INPP5A: variants seen among roughly 807,000 people sequenced by gnomAD.
The protein encoded by INPP5A is inositol polyphosphate-5-phosphatase A.
INPP5A carries 14 observed loss-of-function variants against 65.2 expected under a neutral mutation model. That is an observed-to-expected ratio of 0.21 (90% CI 0.14 to 0.34). The LOEUF (loss-of-function observed/expected upper bound fraction) is 0.34. Ranked by LOEUF, INPP5A falls within the 10% of genes least tolerant of loss-of-function variation. The pLI is 1.00. For missense variants in INPP5A, 431 were observed against 545.6 expected (o/e 0.79, Z 2.09); for synonymous variants, 207 against 208.3 (o/e 0.99, Z 0.05).
At chr10:132,673,329 A>G (rs2072918287) in intron 4 of INPP5A, among the ~76,000 whole-genome samples, 1 of 152,168 alleles carries the variant, frequency 6.6e-6, no homozygotes, top group African/African-American at 2.4e-5. Flanking sequence ...CTAGTGGATC[A>G]TTAGGGGTGA....
intron 2 of INPP5A, among the ~76,000 whole-genome samples, chr10:132,612,995 T>C (rs1163837484): frequency 6.6e-6 from 1 of 152,080 alleles, no homozygotes; most frequent in Admixed American, 6.5e-5. Context: ...CCAGAGGCCA[T>C]GGGGGAGGGC....
intron 1 of INPP5A, among the ~76,000 whole-genome samples, chr10:132,562,197 C>T (rs142281476): frequency 2.6e-5 from 4 of 152,382 alleles, no homozygotes; most frequent in South Asian, 4.1e-4. Flanking sequence ...GCACCGCCCT[C>T]GCCCAGTTGG....
Position 132,623,047 on chromosome 10 carries a change from C to G in INPP5A, c.117+15091C>G, listed in dbSNP as rs1021226841. Among the ~76,000 whole-genome samples, 2 of 150,850 alleles carry G rather than the reference C, an allele frequency of 1.3e-5. 1 individual carries two copies. The highest frequency in any genetic ancestry group is 4.8e-5 in the African/African-American group (2 of 41,284). ...TCGTGGATTGGAAGACTCAGTTACG[C>G]TGACATGTTAATTCCCCACTAACCA... is the stretch of plus-strand genomic sequence containing the variant. On this transcript the variant is annotated intron_variant, in intron 2 of 15. Coordinates refer to ENST00000368594, the MANE Select transcript of INPP5A (RefSeq NM_005539.5).
At chr10:132,594,681 G>GGT (rs2071662061) in intron 1 of INPP5A, among the ~76,000 whole-genome samples, 2 of 151,946 alleles carry the variant, frequency 1.3e-5, no homozygotes, top group South Asian at 2.1e-4. Context: ...TGGCGTGGTG[G>GGT]GTGTGTGTGT....
rs142611829 is a variant in INPP5A, at chr10:132,631,725, A to G, written c.118-14143A>G. ...CTGGGCCCCGCTCCGCGGCAGAAGC[A>G]GGGTGCTGCTTGTTTGGCTGGTGAA... is the stretch of plus-strand genomic sequence containing the variant. On this transcript the variant is annotated intron_variant, in intron 2 of 15. Coordinates refer to ENST00000368594, the MANE Select transcript of INPP5A (RefSeq NM_005539.5). Among the ~76,000 whole-genome samples, 736 of 152,380 alleles carry G rather than the reference A, an allele frequency of 4.8e-3. 5 individuals are homozygous for G. Among genetic ancestry groups the G allele is most frequent in the African/African-American group, 0.017 (699 of 41,598 alleles).
At chr10:132,570,361 T>G (rs1216575240) in intron 1 of INPP5A, among the ~76,000 whole-genome samples, 1 of 152,240 alleles carries the variant, frequency 6.6e-6, no homozygotes, top group East Asian at 1.9e-4. Flanking sequence ...CGTGGGCACC[T>G]TCGTATCCAT....
intron 9 of INPP5A, among the ~76,000 whole-genome samples, chr10:132,732,692 C>G (rs1234660309): frequency 6.6e-6 from 1 of 152,136 alleles, no homozygotes; most frequent in Admixed American, 6.5e-5. Context: ...CGGGGAGGAC[C>G]CTGAGGCCCA....
intron 2 of INPP5A, among the ~76,000 whole-genome samples, chr10:132,618,724 G>A (rs549806019): frequency 6.6e-6 from 1 of 152,320 alleles, no homozygotes; most frequent in African/African-American, 2.4e-5. Context: ...GAGGCCTCAT[G>A]GAATTTTCAG....
rs2070875069 is a variant in INPP5A, at chr10:132,538,904, A to G, written c.75+733A>G. ...TTGCCTCTAAAGCCAATCTAGCCTGACTCTGAACCCTGAATTTCAACCTCA... is the reference window on the plus strand; with the variant it reads ...TTGCCTCTAAAGCCAATCTAGCCTGGCTCTGAACCCTGAATTTCAACCTCA... On this transcript the variant is annotated intron_variant, in intron 1 of 15. Coordinates refer to ENST00000368594, the MANE Select transcript of INPP5A (RefSeq NM_005539.5). This position sits in a 1 kb window ranked among gnomAD's most constrained non-coding sequence, Gnocchi z 4.1. Among the ~76,000 whole-genome samples, 1 of 151,696 alleles carries G rather than the reference A, an allele frequency of 6.6e-6. No individual in the cohort carries two copies. The highest frequency in any genetic ancestry group is 6.6e-5 in the Admixed American group (1 of 15,224).
rs2070958741 is a variant in INPP5A, at chr10:132,545,512, A to G, written c.75+7341A>G. On this transcript the variant is annotated intron_variant, in intron 1 of 15. Transcript: ENST00000368594. This position sits in a 1 kb window ranked among gnomAD's most constrained non-coding sequence, Gnocchi z 4.6. ...CTCTCCACATGCCACTCTGTGCCCC[A>G]CTGCCCCTGCCGGGGTGTTCCCGCT... 6.6e-6 allele frequency among the ~76,000 whole-genome samples: 1 copy of G among 152,102 alleles called. No individual in the cohort carries two copies. The highest frequency in any genetic ancestry group is 1.5e-5 in the Non-Finnish European group (1 of 68,006).
At position 132,594,683 on chromosome 10, in the gene INPP5A, T is replaced by C. The variant is rs148946435; in HGVS notation, c.76-13232T>C. ...GGGTGCATATGTGTGGCGTGGTGGG[T>C]GTGTGTGTGCCTGCACGTGTGTGGC... On this transcript the variant is annotated intron_variant, in intron 1 of 15. Coordinates refer to ENST00000368594, the MANE Select transcript of INPP5A (RefSeq NM_005539.5). Among the ~76,000 whole-genome samples, 1,028 of 151,900 alleles carry C rather than the reference T, an allele frequency of 6.8e-3. 9 individuals carry two copies. Among genetic ancestry groups the C allele is most frequent in the African/African-American group, 0.023 (941 of 41,410 alleles).
chr10:132,618,675 T>C (rs2072073846), intron 2 of INPP5A, among the ~76,000 whole-genome samples: 1 of 152,122 alleles, frequency 6.6e-6, no homozygotes, highest in African/African-American at 2.4e-5. Context: ...GTTCGCAGGA[T>C]GTGCAGGAAG....
intron 11 of INPP5A, among the ~76,000 whole-genome samples, chr10:132,757,444 C>G (rs1846644474): frequency 6.6e-6 from 1 of 152,282 alleles, no homozygotes; most frequent in African/African-American, 2.4e-5. Flanking sequence ...GTTACGCCAC[C>G]TGCGGTGGTC....
Position 132,756,348 on chromosome 10 carries a change from ATG to A in INPP5A, c.903+6511_903+6512del, listed in dbSNP as rs546497629. Among the ~76,000 whole-genome samples, 497 of 151,864 alleles carry A rather than the reference ATG, an allele frequency of 3.3e-3. 4 individuals are homozygous for A. The highest frequency in any genetic ancestry group is 0.011 in the South Asian group (54 of 4,804). On this transcript the variant is annotated intron_variant, in intron 11 of 15. Transcript: ENST00000368594. ...GTGTGCACTCGTGTGTGGTGTATGC[ATG>A]TGTGTGTACACGTGTGCACTCGTGT...
At chr10:132,589,900 C>T (rs1007728833) in intron 1 of INPP5A, among the ~76,000 whole-genome samples, 8 of 152,210 alleles carry the variant, frequency 5.3e-5, no homozygotes, top group East Asian at 1.9e-4. Context: ...CCCAGGGCCA[C>T]GCCTGGCGCC....
chr10:132,624,037 A>G (rs1192079926), intron 2 of INPP5A, among the ~76,000 whole-genome samples: 1 of 152,170 alleles, frequency 6.6e-6, no homozygotes, highest in Non-Finnish European at 1.5e-5. Context: ...ATGAAGACGC[A>G]GGGCCACCGG....
rs895251531 is a variant in INPP5A at position 132,575,005 on chromosome 10, C to T, written c.76-32910C>T. ...CCTGCAGCCCACCTGACGATAGAAA[C>T]GCAAAGCACACCTCAGCATATGGTC... On this transcript the variant is annotated intron_variant, in intron 1 of 15. Transcript: ENST00000368594. This position sits in a 1 kb window ranked among gnomAD's most constrained non-coding sequence, Gnocchi z 5.4. 5.9e-5 allele frequency among the ~76,000 whole-genome samples: 9 copies of T among 152,238 alleles called. No individual in the cohort carries two copies. The highest frequency in any genetic ancestry group is 4.1e-4 in the South Asian group (2 of 4,826).
chr10:132,695,980 G>A (rs1285829621), intron 5 of INPP5A, among the ~76,000 whole-genome samples: 1 of 152,174 alleles, frequency 6.6e-6, no homozygotes, highest in Non-Finnish European at 1.5e-5. Context: ...GGCCTTGGGA[G>A]GCTGATTAGA....
chr10:132,586,595 G>A (rs1416290492), intron 1 of INPP5A, among the ~76,000 whole-genome samples: 2 of 152,230 alleles, frequency 1.3e-5, no homozygotes, highest in African/African-American at 2.4e-5. Context: ...GCCTGGAAGG[G>A]TGGCCGGTGA....
Sources: gnomAD v4.1 joint callset for allele counts (sites outside exome capture counted in the v4.1 genomes callset) on GRCh38, gnomAD v4.1.1 for gene constraint, Gnocchi (gnomAD v3.1) non-coding constraint, MANE v1.5 for transcripts, NCBI Gene and HGNC (gene_info 2026-07-23, HGNC 2026-07-21) for gene names.